The following WWTR1 variants were observed in gnomAD, a reference collection of about 807,000 sequenced individuals.
WWTR1 encodes the protein WW domain-containing transcription regulator protein 1.
WWTR1 carries 13 observed loss-of-function variants against 40.1 expected under a neutral mutation model. The observed-to-expected ratio is 0.32, with a 90% CI of 0.21 to 0.52. WWTR1 has a LOEUF of 0.52. Ranked by LOEUF, WWTR1 falls within the 20% of genes least tolerant of loss-of-function variation. The pLI, the probability that WWTR1 is intolerant of heterozygous loss-of-function variation, is 0.97. For synonymous variants in WWTR1, 230 were observed against 210.1 expected (o/e 1.09, Z -0.82); for missense variants, 436 against 523.1 (o/e 0.83, Z 1.63).
At chr3:149,575,944 C>G in intron 2 of WWTR1, 1 of 456,510 alleles carries the variant, frequency 2.2e-6, no homozygotes, top group South Asian at 1.5e-5. Context: ...GTGGGAGCCT[C>G]CACGGCCCAC....
chr3:149,525,748 C>G (rs1033308056), intron 6 of WWTR1: 2 of 234,958 alleles, frequency 8.5e-6, no homozygotes, highest in Non-Finnish European at 1.6e-5. Context: ...TTTTTACAGA[C>G]ACTCGGGACT....
At chr3:149,717,352 G>C (rs2108235464) in intron 5 of WWTR1, 1 of 152,274 alleles carries the variant, frequency 6.6e-6, no homozygotes, top group East Asian at 1.9e-4. Context: ...AAAAGATTAT[G>C]AACTAATGGT....
chr3:149,679,397 A>G (rs1174316925), intron 1 of WWTR1, among the ~76,000 whole-genome samples: 1 of 152,212 alleles, frequency 6.6e-6, no homozygotes, highest in African/African-American at 2.4e-5. Context: ...GGCAGCCAAC[A>G]TATTCACCAA....
chr3:149,637,147 T>A (rs1355908624), intron 2 of WWTR1, among the ~76,000 whole-genome samples: 1 of 152,110 alleles, frequency 6.6e-6, no homozygotes, highest in Non-Finnish European at 1.5e-5. Context: ...ACTTGCTATA[T>A]TATTACATCT....
chr3:149,586,606 C>T (rs1339769324), intron 2 of WWTR1, among the ~76,000 whole-genome samples: 1 of 152,102 alleles, frequency 6.6e-6, no homozygotes, highest in South Asian at 2.1e-4. Context: ...AGCTTCTAAT[C>T]CCTTGGAATT....
At chr3:149,715,561 T>C (rs1715588210) in intron 5 of WWTR1, among the ~76,000 whole-genome samples, 1 of 152,168 alleles carries the variant, frequency 6.6e-6, no homozygotes, top group South Asian at 2.1e-4. Flanking sequence ...AGAGGTGTGA[T>C]CAAGGGCCAG....
At chr3:149,575,945 C>T (rs1012857062) in intron 2 of WWTR1, 12 of 456,472 alleles carry the variant, frequency 2.6e-5, no homozygotes, top group East Asian at 6.9e-5. Flanking sequence ...TGGGAGCCTC[C>T]ACGGCCCACC....
At chr3:149,557,278 G>C (rs921857047) in intron 3 of WWTR1, among the ~76,000 whole-genome samples, 1 of 151,820 alleles carries the variant, frequency 6.6e-6, no homozygotes, top group African/African-American at 2.4e-5. Context: ...CACCATATTG[G>C]CCAGGCTGAT....
chr3:149,574,865 C>T (rs1343535339), intron 2 of WWTR1, among the ~76,000 whole-genome samples: 1 of 151,138 alleles, frequency 6.6e-6, no homozygotes, highest in Non-Finnish European at 1.5e-5. Context: ...GAGGCCGAGG[C>T]GGGTGGATCA....
At chr3:149,552,388 T>C (rs1736650093) in intron 3 of WWTR1, among the ~76,000 whole-genome samples, 1 of 152,202 alleles carries the variant, frequency 6.6e-6, no homozygotes. Flanking sequence ...TAACAAAATA[T>C]CAGTTCCATT....
Position 149,599,549 on chromosome 3 carries a change from A to G in WWTR1, c.432-26549T>C, listed in dbSNP as rs74394527. ...GTATAGCTGTTGCCAACTGACCTTG[A>G]CTGAAAAGAGGGGCCAGTCCTGTAC... is the stretch of plus-strand genomic sequence containing the variant. On this transcript the variant is annotated intron_variant, in intron 2 of 6. Coordinates refer to ENST00000360632, the MANE Select transcript of WWTR1 (RefSeq NM_015472.6). Among the ~76,000 whole-genome samples, 1,074 of 152,330 alleles carry G rather than the reference A, an allele frequency of 7.1e-3. 15 individuals carry two copies. Among genetic ancestry groups the G allele is most frequent in the African/African-American group, 0.024 (1,007 of 41,566 alleles).
intron 2 of WWTR1, among the ~76,000 whole-genome samples, chr3:149,652,947 C>T (rs1237524678): frequency 6.6e-6 from 1 of 152,090 alleles, no homozygotes; most frequent in African/African-American, 2.4e-5. Context: ...AACAAATGTC[C>T]TCCTGTATAT....
intron 5 of WWTR1, among the ~76,000 whole-genome samples, chr3:149,714,802 C>T (rs894438899): frequency 6.6e-6 from 1 of 152,178 alleles, no homozygotes; most frequent in Non-Finnish European, 1.5e-5. Flanking sequence ...TTTCCCTGGG[C>T]CCATCCACGG....
intron 1 of WWTR1, among the ~76,000 whole-genome samples, chr3:149,694,557 C>T (rs1714921604): frequency 6.6e-6 from 1 of 152,122 alleles, no homozygotes; most frequent in South Asian, 2.1e-4. Context: ...AAATGGCAAG[C>T]AGGTGCCTGA....
At chr3:149,627,839 G>T (rs1426825497) in intron 2 of WWTR1, among the ~76,000 whole-genome samples, 2 of 152,104 alleles carry the variant, frequency 1.3e-5, no homozygotes, top group Non-Finnish European at 2.9e-5. Context: ...TTGGGAGGCC[G>T]AGAAGGGGCA....
intron 1 of WWTR1, among the ~76,000 whole-genome samples, chr3:149,676,584 GCAAC>G (rs1402391177): frequency 6.6e-6 from 1 of 152,102 alleles, no homozygotes; most frequent in Admixed American, 6.5e-5. Flanking sequence ...AGTCCTTACA[GCAAC>G]CCTGCCTGGC....
chr3:149,644,721 T>C (rs1712386683), intron 2 of WWTR1, among the ~76,000 whole-genome samples: 1 of 152,206 alleles, frequency 6.6e-6, no homozygotes, highest in South Asian at 2.1e-4. Context: ...CATATATGCA[T>C]AATAAATCCT....
intron 4 of WWTR1, among the ~76,000 whole-genome samples, chr3:149,535,013 C>T (rs970211943): frequency 6.6e-6 from 1 of 152,144 alleles, no homozygotes; most frequent in Non-Finnish European, 1.5e-5. Flanking sequence ...AGAAAGTAAA[C>T]GGCAGCTGAA....
At chr3:149,696,512 AG>A (rs1228760180) in intron 1 of WWTR1, among the ~76,000 whole-genome samples, 1 of 152,212 alleles carries the variant, frequency 6.6e-6, no homozygotes, top group Non-Finnish European at 1.5e-5. Flanking sequence ...ATATTTAAAA[AG>A]GTTATAACAA....
Sources: allele counts gnomAD v4.1 joint callset (sites outside exome capture counted in the v4.1 genomes callset), GRCh38; gene constraint gnomAD v4.1.1; transcripts MANE v1.5; gene names NCBI Gene and HGNC (gene_info 2026-07-23, HGNC 2026-07-21).